RBFOX1: variants seen among roughly 807,000 people sequenced by gnomAD.
RBFOX1 encodes the protein RNA binding protein fox-1 homolog 1.
A neutral mutation model predicts 57.7 loss-of-function variants in RBFOX1; 8 were observed. That is an observed-to-expected ratio of 0.14 (90% CI 0.08 to 0.25). The LOEUF (loss-of-function observed/expected upper bound fraction) is 0.25, where lower values mean the gene tolerates loss of function less well. Among genes scored for constraint, RBFOX1 ranks in the 10% least tolerant of loss-of-function variants. The pLI is 1.00. For synonymous variants in RBFOX1, 326 were observed against 222.4 expected (o/e 1.47, Z -4.15); for missense variants, 611 against 548.5 (o/e 1.11, Z -1.14).
At chr16:5,866,382 G>T (rs1346395791) in intron 3 of RBFOX1, among the ~76,000 whole-genome samples, 1 of 152,200 alleles carries the variant, frequency 6.6e-6, no homozygotes, top group African/African-American at 2.4e-5. Context: ...CACAGTGGGG[G>T]TTAGGGGTTC....
intron 3 of RBFOX1, among the ~76,000 whole-genome samples, chr16:7,007,632 A>G (rs1347375735): frequency 4.6e-5 from 7 of 152,150 alleles, no homozygotes; most frequent in Non-Finnish European, 1.5e-5. Context: ...TTCAATGTAA[A>G]TGTACGTTTC....
At chr16:6,590,879 C>T (rs74005194) in intron 2 of RBFOX1, among the ~76,000 whole-genome samples, 8,288 of 152,090 alleles carry the variant, frequency 0.054, 720 homozygotes, top group African/African-American at 0.19. Context: ...AGGAGTGACC[C>T]GTGGCAAAAG....
intron 4 of RBFOX1, among the ~76,000 whole-genome samples, chr16:7,200,540 C>G (rs539623454): frequency 8.5e-5 from 13 of 152,268 alleles, no homozygotes; most frequent in African/African-American, 2.6e-4. Context: ...TTGCATGGAG[C>G]TCATATTTTC....
At chr16:7,013,031 C>G (rs915221278) in intron 3 of RBFOX1, among the ~76,000 whole-genome samples, 1 of 152,094 alleles carries the variant, frequency 6.6e-6, no homozygotes, top group Non-Finnish European at 1.5e-5. Context: ...AGCAAGCCCT[C>G]TCTTTCTCTC....
At chr16:6,696,044 G>C (rs2060992920) in intron 3 of RBFOX1, among the ~76,000 whole-genome samples, 1 of 152,158 alleles carries the variant, frequency 6.6e-6, no homozygotes, top group East Asian at 1.9e-4. Flanking sequence ...CGTTTACCTT[G>C]CTTGAGGCAA....
intron 4 of RBFOX1, among the ~76,000 whole-genome samples, chr16:7,438,659 A>G (rs1174351560): frequency 2.0e-5 from 3 of 152,200 alleles, no homozygotes; most frequent in South Asian, 4.1e-4. Flanking sequence ...TGAATTTTAA[A>G]CCAGCCCATT....
chr16:7,201,101 A>T lies in RBFOX1; in HGVS notation c.27+149003A>T, dbSNP rs532563615. 3.3e-5 allele frequency among the ~76,000 whole-genome samples: 5 copies of T among 152,326 alleles called. No individual in the cohort carries two copies. The East Asian group carries it at 9.6e-4, about 29-fold the overall frequency. On this transcript the variant is annotated intron_variant, in intron 4 of 15. Coordinates refer to ENST00000550418, the MANE Select transcript of RBFOX1 (RefSeq NM_018723.4). ...ATATAAATTTATTTCTGAATGTAAA[A>T]ATTGCTCTGCAGGCAACAAAGCTGG...
At chr16:5,592,155 A>G (rs972767357) in intron 2 of RBFOX1, among the ~76,000 whole-genome samples, 1 of 145,656 alleles carries the variant, frequency 6.9e-6, no homozygotes, top group Non-Finnish European at 1.5e-5. Context: ...TTGTCTGTAC[A>G]TTTCCTTTGC....
At chr16:6,516,369 A>G (rs1598673332) in intron 2 of RBFOX1, among the ~76,000 whole-genome samples, 1 of 152,350 alleles carries the variant, frequency 6.6e-6, no homozygotes, top group East Asian at 1.9e-4. Flanking sequence ...AAATGGACAT[A>G]GGCTTCAAAC....
At chr16:6,214,272 G>A (rs529810336) in intron 1 of RBFOX1, among the ~76,000 whole-genome samples, 4 of 152,018 alleles carry the variant, frequency 2.6e-5, no homozygotes, top group African/African-American at 4.8e-5. Context: ...ATGCTAGTAT[G>A]CATTAGGAAT....
At chr16:7,611,555 G>T (rs1341648712) in intron 10 of RBFOX1, among the ~76,000 whole-genome samples, 1 of 151,376 alleles carries the variant, frequency 6.6e-6, no homozygotes, top group Non-Finnish European at 1.5e-5. Flanking sequence ...CTGCAGCCTG[G>T]GTGACAAGAG....
intron 1 of RBFOX1, among the ~76,000 whole-genome samples, chr16:6,029,772 C>CAAA (rs57851398): frequency 0.013 from 1,345 of 99,674 alleles, 43 homozygotes; most frequent in Non-Finnish European, 0.016. Context: ...GACTCCGTCT[C>CAAA]AAAAAAAAAA....
At chr16:7,403,321 C>T (rs959807550) in intron 4 of RBFOX1, among the ~76,000 whole-genome samples, 7 of 152,184 alleles carry the variant, frequency 4.6e-5, no homozygotes, top group Middle Eastern at 3.4e-3. Context: ...ATACATTAGA[C>T]GTCTAGAATT....
At chr16:5,390,446 A>T (rs760944343) in intron 1 of RBFOX1, among the ~76,000 whole-genome samples, 6 of 151,636 alleles carry the variant, frequency 4.0e-5, no homozygotes, top group Non-Finnish European at 8.8e-5. Flanking sequence ...CCACGACTAC[A>T]CTCGGCTACT....
At chr16:5,487,333 C>T (rs2042662635) in intron 2 of RBFOX1, among the ~76,000 whole-genome samples, 1 of 152,174 alleles carries the variant, frequency 6.6e-6, no homozygotes, top group Non-Finnish European at 1.5e-5. Flanking sequence ...CAGATGCCTT[C>T]TTCTTTTTCA....
Position 6,073,805 on chromosome 16 carries a change from A to C in RBFOX1, c.-127+53813A>C, listed in dbSNP as rs1405561873. Among the ~76,000 whole-genome samples the C allele has an allele frequency of 2.6e-5, 4 of 151,978 alleles. No individual in the cohort carries two copies. The South Asian group carries it at 8.3e-4, about 32-fold the overall frequency. ...AAAAGGTATATATTTTTTTTATTTG[A>C]TAGGGCTCTTTCAACTGCAGGTGAT... is the stretch of plus-strand genomic sequence containing the variant. On this transcript the variant is annotated intron_variant, in intron 1 of 15. Coordinates refer to ENST00000550418, the MANE Select transcript of RBFOX1 (RefSeq NM_018723.4).
At chr16:5,739,697 A>G (rs2052707446) in intron 3 of RBFOX1, among the ~76,000 whole-genome samples, 1 of 152,222 alleles carries the variant, frequency 6.6e-6, no homozygotes, top group Non-Finnish European at 1.5e-5. Context: ...GAATTCTTAG[A>G]GCCAACAGAA....
At chr16:7,469,726 A>G (rs992522474) in intron 4 of RBFOX1, among the ~76,000 whole-genome samples, 2 of 152,190 alleles carry the variant, frequency 1.3e-5, no homozygotes, top group Admixed American at 6.5e-5. Flanking sequence ...TTTTTAGTGT[A>G]CAATTCAGTA....
At chr16:7,664,776 G>C (rs949992466) in intron 12 of RBFOX1, 153 bp from the exon 13 acceptor site, 2 of 1,391,268 alleles carry the variant, frequency 1.4e-6, no homozygotes, top group African/African-American at 2.9e-5. Flanking sequence ...AACTGCCGTT[G>C]TCTCCAACCT....
Sources: allele counts gnomAD v4.1 joint callset (sites outside exome capture counted in the v4.1 genomes callset), GRCh38; gene constraint gnomAD v4.1.1; transcripts MANE v1.5; gene names NCBI Gene and HGNC (gene_info 2026-07-23, HGNC 2026-07-21).